Variants in NRG1 observed in about 807,000 individuals in gnomAD.
The protein encoded by NRG1 is pro-neuregulin-1, membrane-bound isoform.
Under a neutral mutation model 63.8 loss-of-function variants are expected in NRG1, and 18 were observed. The ratio of observed to expected loss-of-function variants is 0.28; its 90% CI spans 0.19 to 0.42. NRG1 has a LOEUF of 0.42. NRG1 is among the 10% of genes least tolerant of loss of function. The pLI, the probability that NRG1 is intolerant of heterozygous loss-of-function variation, is 1.00. For synonymous variants in NRG1, 302 were observed against 301.3 expected, an observed-to-expected ratio of 1.00 and a Z score of -0.02; for missense variants, 762 against 814.7, an observed-to-expected ratio of 0.94 and a Z score of 0.79.
Position 32,742,869 on chromosome 8 carries a change from C to G in NRG1, c.691+136C>G. The G allele has an allele frequency of 6.4e-7, 1 of 1,572,806 alleles. No individual in the cohort carries two copies. The highest frequency in any genetic ancestry group is 8.7e-7 in the Non-Finnish European group (1 of 1,155,574). ...CCAGATCTAATATTGACTGCCTCTG[C>G]CTGTCGCATGAGAACATTAACAAAA... On this transcript the variant is annotated intron_variant, in intron 7 of 11. Coordinates refer to ENST00000356819, the Ensembl canonical transcript of NRG1. This position sits in a 1 kb window ranked among gnomAD's most constrained non-coding sequence, Gnocchi z 4.2.
chr8:32,147,753 A>T (rs1331565206), intron 1 of NRG1, among the ~76,000 whole-genome samples: 2 of 152,212 alleles, frequency 1.3e-5, no homozygotes, highest in Non-Finnish European at 2.9e-5. Flanking sequence ...TTCCATTCAT[A>T]ACAGCACACC....
At chr8:31,891,973 G>T (rs766122456) in intron 1 of NRG1, among the ~76,000 whole-genome samples, 1 of 152,118 alleles carries the variant, frequency 6.6e-6, no homozygotes, top group African/African-American at 2.4e-5. Context: ...GAACAGATTA[G>T]TGGTTGCCAG....
chr8:32,258,123 C>G (rs576463824), intron 1 of NRG1, among the ~76,000 whole-genome samples: 1 of 152,200 alleles, frequency 6.6e-6, no homozygotes, highest in South Asian at 2.1e-4. Context: ...TTTTAAGACA[C>G]AAAGCCAAAT....
chr8:32,016,536 G>GAAAA (rs1221741130), intron 1 of NRG1, among the ~76,000 whole-genome samples: 6 of 152,074 alleles, frequency 3.9e-5, no homozygotes, highest in Admixed American at 1.3e-4. Flanking sequence ...GAGATTGCCT[G>GAAAA]AATTATTTTT....
Position 31,849,171 on chromosome 8 carries a change from A to G in NRG1, c.37+209740A>G, listed in dbSNP as rs144814021. On this transcript the variant is annotated intron_variant, in intron 1 of 10. Coordinates refer to the NRG1 transcript ENST00000519301. Reference sequence around the variant, plus strand: ...CTGCTGTGTGCTTTCCATGCATTATATCATTCATCCAACAGGCATCTAAAG... The same window carrying G: ...CTGCTGTGTGCTTTCCATGCATTATGTCATTCATCCAACAGGCATCTAAAG... Among the ~76,000 whole-genome samples the G allele has an allele frequency of 1.5e-4, 23 of 152,310 alleles. 1 individual carries two copies. Among genetic ancestry groups the G allele is most frequent in the African/African-American group, 5.5e-4 (23 of 41,580 alleles).
intron 1 of NRG1, among the ~76,000 whole-genome samples, chr8:32,293,352 G>C (rs1027877427): frequency 1.3e-5 from 2 of 152,174 alleles, no homozygotes; most frequent in African/African-American, 4.8e-5. Context: ...GAGCAGAAGG[G>C]GTTATAGCTA....
chr8:31,784,499 C>G, intron 1 of NRG1, among the ~76,000 whole-genome samples: 1 of 152,258 alleles, frequency 6.6e-6, no homozygotes, highest in Middle Eastern at 3.4e-3. Context: ...GAGAATTTGC[C>G]GAGTTTCAAT....
At chr8:32,631,211 A>G (rs771110657) in intron 5 of NRG1, among the ~76,000 whole-genome samples, 5 of 152,226 alleles carry the variant, frequency 3.3e-5, no homozygotes, top group Non-Finnish European at 5.9e-5. Flanking sequence ...CAAATACTCA[A>G]GAAAGATAAG....
intron 1 of NRG1, among the ~76,000 whole-genome samples, chr8:32,150,452 G>C (rs915708639): frequency 6.6e-6 from 1 of 152,082 alleles, no homozygotes; most frequent in African/African-American, 2.4e-5. Flanking sequence ...TGCATGAATG[G>C]GTTCATGCTC....
chr8:32,371,991 C>CTTTTTTT (rs1289943893), intron 1 of NRG1, among the ~76,000 whole-genome samples: 2 of 64,100 alleles, frequency 3.1e-5, no homozygotes, highest in African/African-American at 5.4e-5. Context: ...TCTTCTTCTT[C>CTTTTTTT]ATTTTTTTTT....
At chr8:32,198,875 T>A (rs1233410696) in intron 1 of NRG1, among the ~76,000 whole-genome samples, 1 of 151,676 alleles carries the variant, frequency 6.6e-6, no homozygotes, top group African/African-American at 2.4e-5. Flanking sequence ...AAAACTTGCA[T>A]ATATCTTAAT....
intron 1 of NRG1, chr8:32,061,755 G>A (rs188417500): frequency 6.6e-6 from 1 of 152,152 alleles, no homozygotes; most frequent in African/African-American, 2.4e-5. Flanking sequence ...AGGAGGCATA[G>A]TAGGAAGCTG....
intron 1 of NRG1, among the ~76,000 whole-genome samples, chr8:31,776,358 G>A (rs1308958639): frequency 1.3e-5 from 2 of 152,168 alleles, no homozygotes; most frequent in Non-Finnish European, 2.9e-5. Flanking sequence ...TGTCAAGGGC[G>A]CCAAGGATGC....
intron 1 of NRG1, among the ~76,000 whole-genome samples, chr8:32,310,625 T>G (rs1370656108): frequency 6.6e-6 from 1 of 152,160 alleles, no homozygotes; most frequent in Non-Finnish European, 1.5e-5. Context: ...TCAGTGAGAA[T>G]GCAGGAGAAG....
intron 5 of NRG1, among the ~76,000 whole-genome samples, chr8:32,673,203 T>C (rs542168691): frequency 6.6e-6 from 1 of 152,208 alleles, no homozygotes; most frequent in Non-Finnish European, 1.5e-5. Flanking sequence ...CAATTGATAA[T>C]GTATTATATG....
rs144926351 is a variant in NRG1, at chr8:31,845,628, C to A, written c.37+206197C>A. On this transcript the variant is annotated intron_variant, in intron 1 of 10. Coordinates refer to the NRG1 transcript ENST00000519301. ...GGCGTTTTTTTTTACATAAAAGTTG[C>A]TTTGTTGCTAATTAGTAGATTAGAA... 4.4e-4 allele frequency among the ~76,000 whole-genome samples: 67 copies of A among 152,068 alleles called. No homozygotes were observed. In the South Asian group the frequency reaches 6.5e-3, roughly 15 times the overall value.
rs574901643 is a variant in NRG1, at chr8:32,416,709, A to G, written c.38-179119A>G. Among the ~76,000 whole-genome samples the G allele has an allele frequency of 3.0e-4, 45 of 152,088 alleles. No individual in the cohort carries two copies. In the South Asian group the frequency reaches 3.1e-3, roughly 11 times the overall value. On this transcript the variant is annotated intron_variant, in intron 1 of 10. Transcript: ENST00000519301. ...GTGGTTGTTTTGTTTTGTTTTTGAG[A>G]CAGGGTCTGGCTGTGTTGCCCAGGC...
chr8:32,408,843 T>A (rs1418225657), intron 1 of NRG1, among the ~76,000 whole-genome samples: 1 of 152,204 alleles, frequency 6.6e-6, no homozygotes, highest in African/African-American at 2.4e-5. Flanking sequence ...ACTCAAATAG[T>A]GTACCTTGTA....
chr8:31,965,843 C>T (rs538203541), intron 1 of NRG1, among the ~76,000 whole-genome samples: 1 of 152,164 alleles, frequency 6.6e-6, no homozygotes, highest in Non-Finnish European at 1.5e-5. Context: ...GAACCATTAT[C>T]CTATGTGAAA....
Sources: gnomAD v4.1 joint callset for allele counts (sites outside exome capture counted in the v4.1 genomes callset) on GRCh38, gnomAD v4.1.1 for gene constraint, Gnocchi (gnomAD v3.1) non-coding constraint, MANE v1.5 for transcripts, NCBI Gene and HGNC (gene_info 2026-07-23, HGNC 2026-07-21) for gene names.